The following FAM3B variants were observed in gnomAD, a reference collection of about 807,000 sequenced individuals.
FAM3B encodes FAM3 metabolism regulating signaling molecule B.
A neutral mutation model predicts 28.4 loss-of-function variants in FAM3B; 29 were observed. The ratio of observed to expected loss-of-function variants is 1.02; its 90% CI spans 0.76 to 1.39. FAM3B has a LOEUF of 1.39. Among genes scored for constraint, FAM3B ranks in the 40% most tolerant of loss-of-function variants. The probability of loss-of-function intolerance (pLI) is 0.00; values close to 1 mark genes in which losing one functional copy is unlikely to be tolerated. For synonymous variants in FAM3B, 91 were observed against 103.0 expected (o/e 0.88, Z 0.71); for missense variants, 266 against 293.9 (o/e 0.91, Z 0.69).
At chr21:41,351,027 G>C (rs2089115326) in intron 7 of FAM3B, among the ~76,000 whole-genome samples, 1 of 122,888 alleles carries the variant, frequency 8.1e-6, no homozygotes, top group Admixed American at 8.6e-5. Flanking sequence ...ACTACCAATG[G>C]TGCGGTTCTC....
chr21:41,317,198 G>A (rs984492294), intron 1 of FAM3B, among the ~76,000 whole-genome samples: 2 of 152,110 alleles, frequency 1.3e-5, no homozygotes, highest in Non-Finnish European at 2.9e-5. Flanking sequence ...ATGTAACACT[G>A]TAACATTTTA....
At chr21:41,343,319 C>T (rs922107435) in intron 3 of FAM3B, among the ~76,000 whole-genome samples, 2 of 152,160 alleles carry the variant, frequency 1.3e-5, no homozygotes, top group African/African-American at 4.8e-5. Flanking sequence ...AGATCTTGGC[C>T]TGGGAAATTC....
intron 2 of FAM3B, among the ~76,000 whole-genome samples, chr21:41,337,176 G>A (rs767150231): frequency 6.6e-6 from 1 of 152,174 alleles, no homozygotes. Context: ...AAGGTGCTAA[G>A]AGTACAGTAA....
intron 7 of FAM3B, among the ~76,000 whole-genome samples, chr21:41,350,544 C>G (rs2089108142): frequency 6.6e-6 from 1 of 152,338 alleles, no homozygotes; most frequent in Non-Finnish European, 1.5e-5. Flanking sequence ...CCTGCCCCAC[C>G]AGCCCACCCC....
chr21:41,322,342 C>T (rs2088814202), intron 1 of FAM3B, among the ~76,000 whole-genome samples: 1 of 152,144 alleles, frequency 6.6e-6, no homozygotes. Flanking sequence ...TTGACTGGCC[C>T]AGCAGGCACA....
At chr21:41,336,260 A>G (rs1333804374) in intron 2 of FAM3B, among the ~76,000 whole-genome samples, 1 of 152,178 alleles carries the variant, frequency 6.6e-6, no homozygotes, top group Non-Finnish European at 1.5e-5. Flanking sequence ...GGGGGCTCAC[A>G]TCTGTAATCC....
At chr21:41,337,593 G>A (rs1316248477) in intron 2 of FAM3B, among the ~76,000 whole-genome samples, 2 of 152,162 alleles carry the variant, frequency 1.3e-5, no homozygotes, top group Non-Finnish European at 2.9e-5. Context: ...AGCTGTGGTG[G>A]TCAGGTGTAT....
chr21:41,336,994 A>G (rs2088961838), intron 2 of FAM3B, among the ~76,000 whole-genome samples: 2 of 152,094 alleles, frequency 1.3e-5, no homozygotes, highest in African/African-American at 2.4e-5. Context: ...GTGTCTTTTG[A>G]TTACAGAATT....
chr21:41,325,639 C>T (rs1287195179), intron 2 of FAM3B, among the ~76,000 whole-genome samples: 2 of 152,190 alleles, frequency 1.3e-5, no homozygotes, highest in African/African-American at 2.4e-5. Context: ...TGGCTTCATA[C>T]AGAGCCAAAT....
intron 2 of FAM3B, among the ~76,000 whole-genome samples, chr21:41,323,634 G>A (rs1298279506): frequency 6.6e-6 from 1 of 152,202 alleles, no homozygotes; most frequent in African/African-American, 2.4e-5. Flanking sequence ...ATGTCCAGGA[G>A]CTAAGGAGAG....
At chr21:41,347,170 C>G in intron 6 of FAM3B, 70 bp downstream of exon 6, 1 of 1,266,280 alleles carries the variant, frequency 7.9e-7, no homozygotes, top group Non-Finnish European at 1.2e-6. Flanking sequence ...GCCAGGGTCT[C>G]TCAGTGACAT....
At chr21:41,309,463 A>AT (rs1435468785) in intron 1 of FAM3B, among the ~76,000 whole-genome samples, 1 of 152,206 alleles carries the variant, frequency 6.6e-6, no homozygotes, top group Admixed American at 6.5e-5. Context: ...CACGAGCATC[A>AT]TGATGATGCA....
chr21:41,355,881 T>A (rs1327830680), intron 7 of FAM3B, among the ~76,000 whole-genome samples: 1 of 152,150 alleles, frequency 6.6e-6, no homozygotes, highest in Non-Finnish European at 1.5e-5. Flanking sequence ...ATTACTGGAA[T>A]TCCAAGGTTA....
At position 41,348,145 on chromosome 21, in the gene FAM3B, T is replaced by C. The variant is rs1279689596; in HGVS notation, c.486-447T>C. Among the ~76,000 whole-genome samples, 4 of 152,342 alleles carry C rather than the reference T, an allele frequency of 2.6e-5. No homozygotes were observed. In the East Asian group the frequency reaches 7.7e-4, roughly 29 times the overall value. On this transcript the variant is annotated intron_variant, in intron 6 of 7. Transcript: ENST00000357985. ...TTTGCAGTGGCAGTATTGTTTTACA[T>C]TTCTTTTTCCTTTTTGATGTGGACT...
At chr21:41,336,045 T>TA (rs752013097) in intron 2 of FAM3B, among the ~76,000 whole-genome samples, 4 of 152,284 alleles carry the variant, frequency 2.6e-5, no homozygotes, top group Non-Finnish European at 5.9e-5. Context: ...CATGAAGACT[T>TA]ATGAATGGGA....
chr21:41,345,766 AT>A (rs2089052777), intron 5 of FAM3B, 30 bp downstream of exon 5: 1 of 1,302,826 alleles, frequency 7.7e-7, no homozygotes, highest in South Asian at 1.2e-5. Flanking sequence ...TAAAATTCAA[AT>A]GAATTTTAAA....
intron 7 of FAM3B, among the ~76,000 whole-genome samples, chr21:41,356,068 C>T (rs1162766560): frequency 1.3e-5 from 2 of 150,652 alleles, no homozygotes; most frequent in East Asian, 3.9e-4. Context: ...CACACACACA[C>T]ACACACACAC....
chr21:41,346,686 T>C (rs1052218602), intron 5 of FAM3B, among the ~76,000 whole-genome samples: 9 of 152,082 alleles, frequency 5.9e-5, no homozygotes, highest in Non-Finnish European at 8.8e-5. Flanking sequence ...GTTTTTTTTT[T>C]CTACCAGGGG....
intron 3 of FAM3B, 152 bp from the exon 4 acceptor site, chr21:41,344,324 C>T (rs574951842): frequency 4.4e-5 from 29 of 654,354 alleles, no homozygotes; most frequent in South Asian, 2.2e-4. Context: ...ATGGGGGTGG[C>T]GGTCTCGGGA....
Sources: allele counts gnomAD v4.1 joint callset (sites outside exome capture counted in the v4.1 genomes callset), GRCh38; gene constraint gnomAD v4.1.1; transcripts MANE v1.5; gene names NCBI Gene and HGNC (gene_info 2026-07-23, HGNC 2026-07-21).